ABHD6: variants seen among roughly 807,000 people sequenced by gnomAD.
ABHD6 encodes the protein abhydrolase domain containing 6, acylglycerol lipase, also known as monoacylglycerol lipase ABHD6.
ABHD6 carries 33 observed loss-of-function variants against 38.8 expected under a neutral mutation model. That is an observed-to-expected ratio of 0.85 (90% CI 0.64 to 1.14). ABHD6 has a LOEUF of 1.14. ABHD6 is among the 50% of genes most tolerant of loss of function. The pLI, the probability that ABHD6 is intolerant of heterozygous loss-of-function variation, is 0.00. For synonymous variants in ABHD6, 147 were observed against 161.6 expected, an observed-to-expected ratio of 0.91 and a Z score of 0.69; for missense variants, 380 against 422.6, an observed-to-expected ratio of 0.90 and a Z score of 0.88.
intron 7 of ABHD6, among the ~76,000 whole-genome samples, chr3:58,278,710 T>A (rs1261897349): frequency 6.6e-6 from 1 of 152,228 alleles, no homozygotes; most frequent in Non-Finnish European, 1.5e-5. Flanking sequence ...CAATTTTAGA[T>A]CTTTCTTGCT....
chr3:58,258,430 C>G, intron 3 of ABHD6: 1 of 406,380 alleles, frequency 2.5e-6, no homozygotes, highest in Non-Finnish European at 5.0e-6. Context: ...ATGTAGCAGC[C>G]CTGAGCTGAG....
intron 9 of ABHD6, among the ~76,000 whole-genome samples, chr3:58,290,002 C>G (rs1222727978): frequency 3.5e-5 from 5 of 141,432 alleles, no homozygotes; most frequent in African/African-American, 8.3e-5. Context: ...CTGACCCCCC[C>G]ACCTCCCTCC....
rs1230905541 is a variant in ABHD6, at chr3:58,294,366, A to G, written c.*601A>G. On this transcript the variant is annotated 3_prime_UTR_variant, in exon 10 of 10. Coordinates refer to ENST00000478253, the MANE Select transcript of ABHD6 (RefSeq NM_001320126.2). ...CAGAGCGTCCGGAGCAGCAGGGTAC[A>G]TGGGTGGGAGGTTCATTCAGCACCC... 1.3e-5 allele frequency: 2 copies of G among 152,750 alleles called. No individual in the cohort carries two copies. Among genetic ancestry groups the G allele is most frequent in the Admixed American group, 6.5e-5 (1 of 15,280 alleles). 9.5% of individuals were successfully genotyped at this position (152,750 alleles called of 1,614,324 possible).
chr3:58,278,176 G>T (rs1271546592), intron 7 of ABHD6, among the ~76,000 whole-genome samples: 1 of 152,182 alleles, frequency 6.6e-6, no homozygotes, highest in African/African-American at 2.4e-5. Flanking sequence ...CAAAGGAATG[G>T]TACCAGCTCC....
rs13085501 is a variant in ABHD6, at chr3:58,257,385, A to C, written c.119+680A>C. 3.3e-5 allele frequency among the ~76,000 whole-genome samples: 5 copies of C among 150,278 alleles called. No individual in the cohort carries two copies. Among genetic ancestry groups the C allele is most frequent in the South Asian group, 2.1e-4 (1 of 4,782 alleles). ...GGTTTTTGTTTGGTTTTTTTTTTGA[A>C]ACAGTCTCCCTCTGTCACCTAGGCT... is the stretch of plus-strand genomic sequence containing the variant. On this transcript the variant is annotated intron_variant, in intron 3 of 9. Transcript: ENST00000478253. This position sits in a 1 kb window ranked among gnomAD's most constrained non-coding sequence, Gnocchi z 4.8.
At position 58,269,243 on chromosome 3, in the gene ABHD6, A is replaced by G. The variant is rs1028043048; in HGVS notation, c.277-78A>G. 5 of 1,083,602 alleles carry G rather than the reference A, an allele frequency of 4.6e-6. No individual in the cohort carries two copies. The highest frequency in any genetic ancestry group is 1.9e-5 in the Admixed American group (1 of 52,210). The allele number at this position is 1,083,602 out of a possible 1,614,324, so 67.1% of individuals were successfully genotyped here. A position where few individuals can be genotyped will look rare whatever the true frequency, so the allele number is the denominator to read the frequency against. ...GGGATGGCTGTCTGGGTCACTGTAC[A>G]TGGGGCAACCTCCCAAGAAAATGGG... On this transcript the variant is annotated intron_variant, in intron 4 of 9. Coordinates refer to ENST00000478253, the MANE Select transcript of ABHD6 (RefSeq NM_001320126.2). The surrounding 1 kb of genome is among the most constrained non-coding windows in gnomAD (Gnocchi z 4.4).
chr3:58,270,537 G>C (rs1277067267), intron 5 of ABHD6, among the ~76,000 whole-genome samples: 1 of 149,936 alleles, frequency 6.7e-6, no homozygotes, highest in East Asian at 1.9e-4. Context: ...AGCCAGATGT[G>C]GTGGTGCATG....
Position 58,256,798 on chromosome 3 carries a change from TCAGGA to T in ABHD6, c.119+94_119+98del, listed in dbSNP as rs1274585850. On this transcript the variant is annotated intron_variant, in intron 3 of 9. Transcript: ENST00000478253. The surrounding 1 kb of genome is among the most constrained non-coding windows in gnomAD (Gnocchi z 4.3). Reference sequence around the variant, plus strand: ...TTTGTGGTTATTGTCCAACATTTTATCAGGAAGTATTTCAGACAGAGAGAAAAGTT... The same window carrying T: ...TTTGTGGTTATTGTCCAACATTTTATAGTATTTCAGACAGAGAGAAAAGTT... 5 of 1,051,718 alleles carry T rather than the reference TCAGGA, an allele frequency of 4.8e-6. No homozygotes were observed. The highest frequency in any genetic ancestry group is 7.1e-6 in the Non-Finnish European group (5 of 702,612). The allele number at this position is 1,051,718 out of a possible 1,614,324, so 65.1% of individuals were successfully genotyped here. A position where few individuals can be genotyped will look rare whatever the true frequency, so the allele number is the denominator to read the frequency against.
intron 9 of ABHD6, among the ~76,000 whole-genome samples, chr3:58,286,846 G>A (rs55653280): frequency 0.42 from 36,247 of 87,280 alleles, 9,179 homozygotes; most frequent in African/African-American, 0.68. Flanking sequence ...GTGTGTGTGT[G>A]TGTGTGTATA....
intron 7 of ABHD6, among the ~76,000 whole-genome samples, chr3:58,282,750 AAAAAC>A (rs2097454277): frequency 6.6e-6 from 1 of 152,090 alleles, no homozygotes; most frequent in African/African-American, 2.4e-5. Context: ...AAACAACAAC[AAAAAC>A]AAAAACAGAG....
chr3:58,277,319 G>A (rs142672732), intron 7 of ABHD6, among the ~76,000 whole-genome samples: 6,989 of 152,206 alleles, frequency 0.046, 249 homozygotes, highest in Admixed American at 0.065. Flanking sequence ...TCTCCTTGAA[G>A]AGGTCCTTCA....
At chr3:58,262,143 T>C (rs1282662900) in intron 3 of ABHD6, among the ~76,000 whole-genome samples, 2 of 152,036 alleles carry the variant, frequency 1.3e-5, no homozygotes, top group Admixed American at 6.6e-5. Flanking sequence ...GACAAACTCA[T>C]AGAGAAAGTA....
intron 2 of ABHD6, among the ~76,000 whole-genome samples, chr3:58,252,514 G>A (rs769502284): frequency 2.6e-5 from 4 of 152,108 alleles, no homozygotes; most frequent in Non-Finnish European, 5.9e-5. Flanking sequence ...ACGCCCAGCT[G>A]TGGTTTAACA....
intron 3 of ABHD6, among the ~76,000 whole-genome samples, chr3:58,264,541 A>T (rs748657638): frequency 3.3e-5 from 5 of 151,902 alleles, no homozygotes; most frequent in Non-Finnish European, 5.9e-5. Context: ...AAAATAAAAA[A>T]ATTAGCCAGG....
rs1347805634 is a variant in ABHD6, at chr3:58,293,818, G to A, written c.*53G>A. 5.1e-6 allele frequency: 8 copies of A among 1,577,804 alleles called. No homozygotes were observed. The highest frequency in any genetic ancestry group is 1.7e-4 in the Middle Eastern group (1 of 5,930). ...CACAGCATCTGCTCCCATCCCCCAA[G>A]TCTGACGCAGCCACCACTCTCAGGG... On this transcript the variant is annotated 3_prime_UTR_variant, in exon 10 of 10. Transcript: ENST00000478253. This position sits in a 1 kb window ranked among gnomAD's most constrained non-coding sequence, Gnocchi z 4.4.
At chr3:58,275,223 G>A (rs1482070861) in intron 7 of ABHD6, among the ~76,000 whole-genome samples, 1 of 151,758 alleles carries the variant, frequency 6.6e-6, no homozygotes, top group Non-Finnish European at 1.5e-5. Context: ...CAGGGTAGCT[G>A]GAGCCCCAAG....
Position 58,265,645 on chromosome 3 carries a change from G to A in ABHD6, c.120-1544G>A, listed in dbSNP as rs969316568. 6.6e-6 allele frequency among the ~76,000 whole-genome samples: 1 copy of A among 152,126 alleles called. No individual in the cohort carries two copies. The highest frequency in any genetic ancestry group is 1.5e-5 in the Non-Finnish European group (1 of 68,030). ...TATAGTTAGTGTCTTATTCCATTTT[G>A]TGTTGCTACAGCAGAATGCCACAGA... On this transcript the variant is annotated intron_variant, in intron 3 of 9. Coordinates refer to ENST00000478253, the MANE Select transcript of ABHD6 (RefSeq NM_001320126.2). The surrounding 1 kb of genome is among the most constrained non-coding windows in gnomAD (Gnocchi z 4.2).
rs2107486575 is a variant in ABHD6, at chr3:58,293,163, C to G, written c.838-426C>G. ...TCAGCCGCCGTGCTCCTTGGTGGCC[C>G]CTGCACTCGCCATGATCTCCCACCC... On this transcript the variant is annotated intron_variant, in intron 9 of 9. Transcript: ENST00000478253. The surrounding 1 kb of genome is among the most constrained non-coding windows in gnomAD (Gnocchi z 4.4). Among the ~76,000 whole-genome samples the G allele has an allele frequency of 6.6e-6, 1 of 152,194 alleles. No individual in the cohort carries two copies. Among genetic ancestry groups the G allele is most frequent in the Non-Finnish European group, 1.5e-5 (1 of 68,000 alleles).
Position 58,251,323 on chromosome 3 carries a change from A to AAG in ABHD6, c.-26+1382_-26+1383insGA, listed in dbSNP as rs2097429763. ...CAGAGCGAGACTCCATCTAAAAAAA[A>AAG]AAAAGAAAGAAAAAAAGACAGAAAT... On this transcript the variant is annotated intron_variant, in intron 2 of 9. Coordinates refer to ENST00000478253, the MANE Select transcript of ABHD6 (RefSeq NM_001320126.2). This position sits in a 1 kb window ranked among gnomAD's most constrained non-coding sequence, Gnocchi z 5.4. Among the ~76,000 whole-genome samples the AAG allele has an allele frequency of 6.6e-6, 1 of 151,854 alleles. No individual in the cohort carries two copies. The highest frequency in any genetic ancestry group is 1.5e-5 in the Non-Finnish European group (1 of 67,984).
Sources: gnomAD v4.1 joint callset for allele counts (sites outside exome capture counted in the v4.1 genomes callset) on GRCh38, gnomAD v4.1.1 for gene constraint, Gnocchi (gnomAD v3.1) non-coding constraint, MANE v1.5 for transcripts, NCBI Gene and HGNC (gene_info 2026-07-23, HGNC 2026-07-21) for gene names.